The following FAM107B variants were observed in gnomAD, a reference collection of about 807,000 sequenced individuals.
FAM107B encodes family with sequence similarity 107 member B.
FAM107B carries 21 observed loss-of-function variants against 31.5 expected under a neutral mutation model. That is an observed-to-expected ratio of 0.67 (90% CI 0.47 to 0.96). The LOEUF (loss-of-function observed/expected upper bound fraction) is 0.96, where lower values mean the gene tolerates loss of function less well. Among genes scored for constraint, FAM107B ranks in the 40% least tolerant of loss-of-function variants. The pLI, the probability that FAM107B is intolerant of heterozygous loss-of-function variation, is 0.00. For missense variants in FAM107B, 452 were observed against 377.1 expected (o/e 1.20, Z -1.64); for synonymous variants, 157 against 141.5 (o/e 1.11, Z -0.78).
At chr10:14,725,780 C>T (rs111804731) in intron 1 of FAM107B, among the ~76,000 whole-genome samples, 5 of 148,910 alleles carry the variant, frequency 3.4e-5, no homozygotes, top group South Asian at 2.1e-4. Flanking sequence ...GAGGTTAAGG[C>T]TTCAACATAT....
At chr10:14,755,234 A>G (rs1832904775) in intron 1 of FAM107B, among the ~76,000 whole-genome samples, 1 of 152,186 alleles carries the variant, frequency 6.6e-6, no homozygotes, top group Non-Finnish European at 1.5e-5. Flanking sequence ...ATCTATTTTG[A>G]GCATGAACAA....
At position 14,732,502 on chromosome 10, in the gene FAM107B, C is replaced by A. The variant is rs190875297; in HGVS notation, c.411+41751G>T. ...ATAGAAATAACTATATATTTCTGGA[C>A]TATTTTAGAGGGCTGTTTCGAGAAG... On this transcript the variant is annotated intron_variant, in intron 1 of 4. Coordinates refer to ENST00000181796, the MANE Select transcript of FAM107B (RefSeq NM_031453.4). 1.5e-3 allele frequency among the ~76,000 whole-genome samples: 225 copies of A among 152,188 alleles called. 3 individuals carry two copies. The highest frequency in any genetic ancestry group is 2.9e-3 in the Non-Finnish European group (197 of 68,010).
intron 1 of FAM107B, among the ~76,000 whole-genome samples, chr10:14,751,662 C>T (rs1674973036): frequency 6.6e-6 from 1 of 152,100 alleles, no homozygotes; most frequent in Admixed American, 6.5e-5. Flanking sequence ...GCCACTACTC[C>T]CGGCCTCCTT....
At chr10:14,692,146 C>T (rs1018234545) in intron 1 of FAM107B, among the ~76,000 whole-genome samples, 15 of 152,136 alleles carry the variant, frequency 9.9e-5, no homozygotes, top group African/African-American at 3.6e-4. Context: ...GGAAGGCAAT[C>T]GAGGGGAGCC....
chr10:14,584,863 C>A (rs1274491289), intron 2 of FAM107B, among the ~76,000 whole-genome samples: 2 of 152,224 alleles, frequency 1.3e-5, no homozygotes, highest in African/African-American at 4.8e-5. Flanking sequence ...AGGCTGGTCA[C>A]AGGCCAAGTC....
At chr10:14,603,007 A>G (rs1213326978) in intron 2 of FAM107B, among the ~76,000 whole-genome samples, 1 of 151,200 alleles carries the variant, frequency 6.6e-6, no homozygotes, top group Non-Finnish European at 1.5e-5. Flanking sequence ...TCCCACACAC[A>G]CACACACACA....
chr10:14,723,083 C>T, intron 1 of FAM107B: 1 of 371,002 alleles, frequency 2.7e-6, no homozygotes, highest in Non-Finnish European at 5.2e-6. Context: ...TCTTCTTTGG[C>T]ATGTATCTTT....
chr10:14,725,914 C>A (rs1041892949), intron 1 of FAM107B, among the ~76,000 whole-genome samples: 2 of 147,588 alleles, frequency 1.4e-5, no homozygotes, highest in African/African-American at 5.0e-5. Flanking sequence ...CAACCTTCAC[C>A]TCCCAGGTTC....
chr10:14,736,401 G>C (rs1856300219), intron 1 of FAM107B, among the ~76,000 whole-genome samples: 1 of 152,168 alleles, frequency 6.6e-6, no homozygotes, highest in Non-Finnish European at 1.5e-5. Context: ...CAGACCTCTG[G>C]TGATTTGAGT....
chr10:14,645,377 C>T lies in FAM107B; in HGVS notation c.469+22257G>A, dbSNP rs1388471978. On this transcript the variant is annotated intron_variant, in intron 2 of 4. Coordinates refer to ENST00000181796, the MANE Select transcript of FAM107B (RefSeq NM_031453.4). ...GTAAGTCTGAAATGATCCCCAAGGG[C>T]TTGTCACCTGTATACACCAAGAATG... 3.9e-5 allele frequency among the ~76,000 whole-genome samples: 6 copies of T among 152,320 alleles called. No homozygotes were observed. The South Asian group carries it at 1.2e-3, about 32-fold the overall frequency.
intron 3 of FAM107B, among the ~76,000 whole-genome samples, chr10:14,528,758 A>G (rs1846611325): frequency 6.6e-6 from 1 of 152,194 alleles, no homozygotes; most frequent in African/African-American, 2.4e-5. Context: ...CCCTTTCTCT[A>G]AAAAATGTGG....
At chr10:14,649,543 C>G (rs1339980344) in intron 2 of FAM107B, among the ~76,000 whole-genome samples, 1 of 152,186 alleles carries the variant, frequency 6.6e-6, no homozygotes, top group Non-Finnish European at 1.5e-5. Flanking sequence ...CCAGACACTC[C>G]CTTCTATTGA....
In FAM107B at chr10:14,760,970, C is replaced by A. The variant is rs144167310; in HGVS notation, c.411+13283G>T. 6.1e-3 allele frequency among the ~76,000 whole-genome samples: 873 copies of A among 143,248 alleles called. 9 individuals carry two copies. Among genetic ancestry groups the A allele is most frequent in the African/African-American group, 0.021 (780 of 36,984 alleles). The allele number at this position is 143,248 out of a possible 152,430, so 94.0% of individuals were successfully genotyped here. On this transcript the variant is annotated intron_variant, in intron 1 of 4. Coordinates refer to ENST00000181796, the MANE Select transcript of FAM107B (RefSeq NM_031453.4). ...AAGGTTGCAGTGAGCTGAGATCGTG[C>A]CACTGCACTCCAGCCTGGGCGACAG...
At chr10:14,697,032 C>T (rs948073258) in intron 1 of FAM107B, among the ~76,000 whole-genome samples, 1 of 152,094 alleles carries the variant, frequency 6.6e-6, no homozygotes, top group Non-Finnish European at 1.5e-5. Context: ...GATACATTGA[C>T]AGTCTAGAGA....
At position 14,555,086 on chromosome 10, in the gene FAM107B, A is replaced by C. The variant is rs549332365; in HGVS notation, c.470-24571T>G. ...TAAGCAGTTGAGCTCTTTGTTTTAC[A>C]TTATAAATATACAACTAATTATTAT... On this transcript the variant is annotated intron_variant, in intron 2 of 4. Coordinates refer to ENST00000181796, the MANE Select transcript of FAM107B (RefSeq NM_031453.4). 5.3e-5 allele frequency among the ~76,000 whole-genome samples: 8 copies of C among 152,358 alleles called. No homozygotes were observed. The South Asian group carries it at 1.4e-3, about 28-fold the overall frequency.
intron 1 of FAM107B, among the ~76,000 whole-genome samples, chr10:14,689,738 A>T (rs1159132138): frequency 6.6e-6 from 1 of 152,154 alleles, no homozygotes; most frequent in Non-Finnish European, 1.5e-5. Flanking sequence ...AGGCAGGAGG[A>T]TCATGTAAGC....
intron 2 of FAM107B, among the ~76,000 whole-genome samples, chr10:14,536,632 C>A (rs1847640964): frequency 6.6e-6 from 1 of 152,196 alleles, no homozygotes; most frequent in East Asian, 1.9e-4. Context: ...TAAGGCAAAC[C>A]TAAAAATTTC....
intron 1 of FAM107B, among the ~76,000 whole-genome samples, chr10:14,721,311 T>C (rs1014156733): frequency 6.6e-6 from 1 of 152,238 alleles, no homozygotes; most frequent in Non-Finnish European, 1.5e-5. Context: ...AACATACGTT[T>C]GCATGTGTCT....
At chr10:14,630,278 T>TAA (rs10525721) in intron 2 of FAM107B, among the ~76,000 whole-genome samples, 16,499 of 134,412 alleles carry the variant, frequency 0.12, 1,205 homozygotes, top group Admixed American at 0.23. Flanking sequence ...CTACTGATGC[T>TAA]AAAAAAAAAA....
Sources: gnomAD v4.1 joint callset for allele counts (sites outside exome capture counted in the v4.1 genomes callset) on GRCh38, gnomAD v4.1.1 for gene constraint, MANE v1.5 for transcripts, NCBI Gene and HGNC (gene_info 2026-07-23, HGNC 2026-07-21) for gene names.